The following CRYBG1 variants were observed in gnomAD, a reference collection of about 807,000 sequenced individuals.
CRYBG1 encodes the protein crystallin beta-gamma domain containing 1.
CRYBG1 carries 139 observed loss-of-function variants against 189.2 expected under a neutral mutation model. That is an observed-to-expected ratio of 0.73 (90% CI 0.64 to 0.85). The LOEUF (loss-of-function observed/expected upper bound fraction) is 0.85. Among genes scored for constraint, CRYBG1 ranks in the 40% least tolerant of loss-of-function variants. CRYBG1 has a pLI of 0.00. For missense variants in CRYBG1, 2,611 were observed against 2,675.8 expected (o/e 0.98, Z 0.53); for synonymous variants, 1,023 against 1,017.1 (o/e 1.01, Z -0.11).
At chr6:106,435,585 TTTAA>T (rs1035274764) in intron 1 of CRYBG1, among the ~76,000 whole-genome samples, 24 of 149,308 alleles carry the variant, frequency 1.6e-4, no homozygotes, top group African/African-American at 5.1e-4. Flanking sequence ...TCCTTGCAAA[TTTAA>T]TTAATTAATT....
chr6:106,437,531 G>A (rs1468378633), intron 1 of CRYBG1, among the ~76,000 whole-genome samples: 2 of 152,068 alleles, frequency 1.3e-5, no homozygotes, highest in African/African-American at 4.8e-5. Flanking sequence ...CAAATTCCTG[G>A]GGTCAAGCAA....
intron 2 of CRYBG1, among the ~76,000 whole-genome samples, chr6:106,460,289 C>T (rs942801324): frequency 3.3e-5 from 5 of 151,840 alleles, no homozygotes; most frequent in African/African-American, 1.2e-4. Context: ...CCGCGCCCAG[C>T]CAGTCTGAGC....
chr6:106,405,452 C>T (rs758064407), intron 1 of CRYBG1, among the ~76,000 whole-genome samples: 5 of 152,158 alleles, frequency 3.3e-5, no homozygotes, highest in East Asian at 1.9e-4. Flanking sequence ...CGGCTGTGGG[C>T]GCAGCTTCAG....
Position 106,360,919 on chromosome 6 carries a change from C to G in CRYBG1, c.11C>G (p.Ser4Cys), listed in dbSNP as rs569870184. 2.0e-6 allele frequency: 3 copies of G among 1,533,408 alleles called. No individual in the cohort carries two copies. The East Asian group carries it at 7.4e-5, about 38-fold the overall frequency. The allele number at this position is 1,533,408 out of a possible 1,614,324, so 95.0% of individuals were successfully genotyped here. A position where few individuals can be genotyped will look rare whatever the true frequency, so the allele number is the denominator to read the frequency against. ...GAGGAGGACAAGACGATGCCGCTGT[C>G]CCCGCCAGCCCAGGGCGACCCCGGG... The part of the protein sequence containing the change: MPL[S>C]PPAQGDPGEP... The change falls in exon 1 of 22, where the codon TCC (serine) becomes TGC (cysteine). Residue 4 changes from serine to cysteine, a missense_variant. Physicochemically the swap from Ser to Cys is moderately radical, Grantham distance 112 (BLOSUM62 -1). Coordinates refer to ENST00000633556, the MANE Select transcript of CRYBG1 (RefSeq NM_001371242.2).
chr6:106,538,865 A>G (rs1281076448), intron 8 of CRYBG1, among the ~76,000 whole-genome samples: 1 of 148,624 alleles, frequency 6.7e-6, no homozygotes, highest in Non-Finnish European at 1.5e-5. Context: ...ACTGTACTCC[A>G]GCCTGGGTGA....
chr6:106,451,677 G>T lies in CRYBG1; in HGVS notation c.174-17G>T. 2 of 1,528,704 alleles carry T rather than the reference G, an allele frequency of 1.3e-6. No homozygotes were observed. Among genetic ancestry groups the T allele is most frequent in the East Asian group, 2.5e-5 (1 of 40,674 alleles). The allele number at this position is 1,528,704 out of a possible 1,614,324, so 94.7% of individuals were successfully genotyped here. A position where few individuals can be genotyped will look rare whatever the true frequency, so the allele number is the denominator to read the frequency against. ...GTTCATAGTGTATTGACATGACTGTGGTTCCGTTCTTTGCAGAGCTTTGGA... is the reference window on the plus strand; with the variant it reads ...GTTCATAGTGTATTGACATGACTGTTGTTCCGTTCTTTGCAGAGCTTTGGA... On this transcript the variant is annotated splice_polypyrimidine_tract_variant and intron_variant, in intron 1 of 21. Transcript: ENST00000633556.
intron 2 of CRYBG1, among the ~76,000 whole-genome samples, chr6:106,510,109 G>T (rs1206094449): frequency 6.6e-6 from 1 of 152,180 alleles, no homozygotes; most frequent in Admixed American, 6.5e-5. Flanking sequence ...GAAAGGTGGG[G>T]CTCTTTCCTG....
At chr6:106,366,093 T>A (rs1771993295) in intron 1 of CRYBG1, among the ~76,000 whole-genome samples, 1 of 152,244 alleles carries the variant, frequency 6.6e-6, no homozygotes, top group Admixed American at 6.5e-5. Context: ...AACAATCATT[T>A]AAAATGTTAT....
chr6:106,372,444 A>G (rs1770057648), intron 1 of CRYBG1, among the ~76,000 whole-genome samples: 1 of 152,048 alleles, frequency 6.6e-6, no homozygotes, highest in African/African-American at 2.4e-5. Flanking sequence ...TAGAGACCAG[A>G]TTTGGCCATG....
At chr6:106,521,594 A>C in intron 4 of CRYBG1, 141 bp downstream of exon 4, 1 of 1,007,640 alleles carries the variant, frequency 9.9e-7, no homozygotes. Context: ...ATATTTGAAA[A>C]CCTGCAATGT....
intron 7 of CRYBG1, among the ~76,000 whole-genome samples, chr6:106,529,334 A>G (rs1773823345): frequency 6.6e-6 from 1 of 152,216 alleles, no homozygotes; most frequent in African/African-American, 2.4e-5. Flanking sequence ...CATGGCTCCC[A>G]GTGTGTCATG....
At chr6:106,430,987 G>A (rs545172862) in intron 1 of CRYBG1, among the ~76,000 whole-genome samples, 2 of 152,000 alleles carry the variant, frequency 1.3e-5, no homozygotes, top group East Asian at 1.9e-4. Flanking sequence ...TCAGCCTCCC[G>A]AGTGGCTGGG....
At chr6:106,396,349 A>C (rs1770607021) in intron 1 of CRYBG1, among the ~76,000 whole-genome samples, 1 of 152,236 alleles carries the variant, frequency 6.6e-6, no homozygotes, top group South Asian at 2.1e-4. Context: ...TGAACTTATA[A>C]ATTCAGTGGA....
At chr6:106,475,832 T>C (rs949235005) in intron 2 of CRYBG1, among the ~76,000 whole-genome samples, 2 of 152,186 alleles carry the variant, frequency 1.3e-5, no homozygotes, top group African/African-American at 2.4e-5. Context: ...CCTGAGCTCA[T>C]GGACCAGAGA....
chr6:106,480,230 T>C (rs925050881), intron 2 of CRYBG1, among the ~76,000 whole-genome samples: 1 of 152,136 alleles, frequency 6.6e-6, no homozygotes, highest in South Asian at 2.1e-4. Context: ...TATGTGGTTC[T>C]GGTTAGGCAC....
In CRYBG1 at chr6:106,559,042, G is replaced by A. The variant is rs374183420; in HGVS notation, c.5855+417G>A. Among the ~76,000 whole-genome samples the A allele has an allele frequency of 3.3e-5, 5 of 151,740 alleles. No homozygotes were observed. The East Asian group carries it at 7.7e-4, about 23-fold the overall frequency. On this transcript the variant is annotated intron_variant, in intron 18 of 21. Coordinates refer to ENST00000633556, the MANE Select transcript of CRYBG1 (RefSeq NM_001371242.2). ...TAATTGACATATACCCTCTCTTTTTGTAAGGGTTAATAATTATGCACCTTT... is the reference window on the plus strand; with the variant it reads ...TAATTGACATATACCCTCTCTTTTTATAAGGGTTAATAATTATGCACCTTT...
chr6:106,561,053 C>T lies in CRYBG1; in HGVS notation c.5979+127C>T. On this transcript the variant is annotated intron_variant, in intron 19 of 21. Transcript: ENST00000633556. ...TGGCCTCACCCTATAAACTCCTTCC[C>T]TGCCCCAATAATCTGGGCTCAGTTT... 13 of 1,092,232 alleles carry T rather than the reference C, an allele frequency of 1.2e-5. 1 individual carries two copies. The South Asian group carries it at 2.2e-4, about 19-fold the overall frequency. The allele number at this position is 1,092,232 out of a possible 1,614,324, so 67.7% of individuals were successfully genotyped here. A position where few individuals can be genotyped will look rare whatever the true frequency, so the allele number is the denominator to read the frequency against.
intron 1 of CRYBG1, among the ~76,000 whole-genome samples, chr6:106,378,552 A>G (rs966633237): frequency 5.9e-5 from 9 of 152,222 alleles, no homozygotes; most frequent in African/African-American, 2.2e-4. Flanking sequence ...TCTTACAGAC[A>G]CTACGTATTT....
At chr6:106,500,440 A>G (rs1480409592) in intron 2 of CRYBG1, among the ~76,000 whole-genome samples, 1 of 151,870 alleles carries the variant, frequency 6.6e-6, no homozygotes, top group East Asian at 1.9e-4. Context: ...AAACAAAAAA[A>G]AAAACCTCTT....
Sources: allele counts gnomAD v4.1 joint callset (sites outside exome capture counted in the v4.1 genomes callset), GRCh38; gene constraint gnomAD v4.1.1; transcripts MANE v1.5; gene names NCBI Gene and HGNC (gene_info 2026-07-23, HGNC 2026-07-21).